TTC3: variants seen among roughly 807,000 people sequenced by gnomAD.
The protein encoded by TTC3 is tetratricopeptide repeat domain 3.
In TTC3, 180 loss-of-function variants were observed where a neutral mutation model predicts 249.6. That is an observed-to-expected ratio of 0.72 (90% CI 0.64 to 0.82). The LOEUF (loss-of-function observed/expected upper bound fraction) is 0.82. Ranked by LOEUF, TTC3 falls within the 40% of genes least tolerant of loss-of-function variation. The probability of loss-of-function intolerance (pLI) is 0.00; values close to 1 mark genes in which losing one functional copy is unlikely to be tolerated. For missense variants in TTC3, 2,061 were observed against 2,398.4 expected (o/e 0.86, Z 2.94); for synonymous variants, 717 against 805.0 (o/e 0.89, Z 1.85).
At chr21:37,096,058 T>A (rs904593569) in intron 9 of TTC3, among the ~76,000 whole-genome samples, 5 of 152,240 alleles carry the variant, frequency 3.3e-5, no homozygotes, top group Admixed American at 1.3e-4. Flanking sequence ...GGGAATCCGG[T>A]TAGTGTACCA....
intron 10 of TTC3, chr21:37,098,209 G>A: frequency 3.3e-6 from 1 of 307,052 alleles, no homozygotes; most frequent in Non-Finnish European, 6.0e-6. Context: ...TGTGCTGTTT[G>A]AAGGTGAATT....
chr21:37,136,985 A>T (rs2078002961), intron 18 of TTC3, among the ~76,000 whole-genome samples: 1 of 152,232 alleles, frequency 6.6e-6, no homozygotes, highest in African/African-American at 2.4e-5. Context: ...AAATGGAACA[A>T]CAAAGCATGA....
chr21:37,122,031 T>C lies in TTC3; in HGVS notation c.1063+52T>C, dbSNP rs531322103. 8 of 1,514,948 alleles carry C rather than the reference T, an allele frequency of 5.3e-6. No individual in the cohort carries two copies. The East Asian group carries it at 1.2e-4, about 22-fold the overall frequency. 93.8% of individuals were successfully genotyped at this position (1,514,948 alleles called of 1,614,324 possible). On this transcript the variant is annotated intron_variant, in intron 12 of 45. Transcript: ENST00000355666. ...ACAGTCTTAATTCCCTTTCAAACTT[T>C]GGAGGGTGGGTTTCTTGGATTAACA...
exon 13 of TTC3, chr21:37,123,028 G>A (rs769842729): frequency 1.2e-5 from 19 of 1,613,972 alleles, no homozygotes; most frequent in Admixed American, 6.7e-5. Context: ...TATGAAAACA[G>A]GTAAGTTAAT....
chr21:37,199,118 C>A (rs2085239468), intron 44 of TTC3, among the ~76,000 whole-genome samples: 1 of 152,174 alleles, frequency 6.6e-6, no homozygotes, highest in Non-Finnish European at 1.5e-5. Flanking sequence ...TCCTCCTGGG[C>A]CGAGTCATGC....
At chr21:37,153,582 A>G (rs562749286) in intron 27 of TTC3, among the ~76,000 whole-genome samples, 1 of 152,304 alleles carries the variant, frequency 6.6e-6, no homozygotes, top group Admixed American at 6.5e-5. Flanking sequence ...ACACACACGC[A>G]CACCACAATT....
intron 32 of TTC3, among the ~76,000 whole-genome samples, chr21:37,165,263 T>G (rs886796647): frequency 6.6e-6 from 1 of 152,212 alleles, no homozygotes; most frequent in Non-Finnish European, 1.5e-5. Flanking sequence ...GAATAAATTA[T>G]GTAATTACAT....
exon 24 of TTC3, chr21:37,150,146 C>T: frequency 1.9e-6 from 3 of 1,612,796 alleles, no homozygotes; most frequent in African/African-American, 1.3e-5. Flanking sequence ...TCATCTTCAG[C>T]AGTGGTGGTG....
In TTC3 at chr21:37,172,783, A is replaced by G. The variant is rs1210775853; in HGVS notation, c.4617+39A>G. ...AAACCTGTCTTTAATTGCATGTAGC[A>G]TAGTTAGGAGAATGTGAGTGTAGCT... On this transcript the variant is annotated intron_variant, in intron 35 of 45. Transcript: ENST00000355666. 3.7e-6 allele frequency: 6 copies of G among 1,608,402 alleles called. No individual in the cohort carries two copies. The East Asian group carries it at 6.7e-5, about 18-fold the overall frequency.
chr21:37,197,351 G>A (rs1209678488), intron 42 of TTC3, among the ~76,000 whole-genome samples: 2 of 151,060 alleles, frequency 1.3e-5, no homozygotes, highest in African/African-American at 4.9e-5. Flanking sequence ...TCGCGCCACT[G>A]CCCTCCAGCC....
chr21:37,127,306 A>G (rs1489747340), intron 15 of TTC3, among the ~76,000 whole-genome samples: 2 of 152,172 alleles, frequency 1.3e-5, no homozygotes, highest in Non-Finnish European at 2.9e-5. Context: ...TATCCAGACC[A>G]TAACAGTGCT....
At chr21:37,130,102 C>T (rs1482474911) in intron 16 of TTC3, among the ~76,000 whole-genome samples, 1 of 152,122 alleles carries the variant, frequency 6.6e-6, no homozygotes. Context: ...TCAATTTCTT[C>T]TCCATTTCTT....
intron 1 of TTC3, chr21:37,083,819 G>A (rs1298215945): frequency 6.6e-6 from 1 of 152,236 alleles, no homozygotes; most frequent in East Asian, 1.9e-4. Flanking sequence ...ATACAACCCC[G>A]CCTGGAAGGA....
intron 14 of TTC3, 62 bp downstream of exon 14, chr21:37,124,804 A>G: frequency 1.9e-6 from 3 of 1,578,770 alleles, no homozygotes; most frequent in Admixed American, 3.7e-5. Context: ...TTTTACAGTA[A>G]TATTTTGGTG....
intron 1 of TTC3, among the ~76,000 whole-genome samples, chr21:37,079,491 T>A (rs2071322768): frequency 6.7e-6 from 1 of 150,106 alleles, no homozygotes; most frequent in Non-Finnish European, 1.5e-5. Context: ...TTTAGAAATT[T>A]GTCCTTTCAT....
rs569986723 is a variant in TTC3 at position 37,111,999 on chromosome 21, A to G, written c.900+3553A>G. Among the ~76,000 whole-genome samples, 1,512 of 152,072 alleles carry G rather than the reference A, an allele frequency of 9.9e-3. 15 individuals carry two copies. Among genetic ancestry groups the G allele is most frequent in the East Asian group, 0.03 (154 of 5,180 alleles). ...GAAATAAAGATGTTCTTTGAAACCA[A>G]CGAGAACAAAGACACAACATACCAG... On this transcript the variant is annotated intron_variant, in intron 11 of 45. Transcript: ENST00000355666.
chr21:37,098,637 A>G (rs1422705338), intron 10 of TTC3: 1 of 152,140 alleles, frequency 6.6e-6, no homozygotes, highest in Non-Finnish European at 1.5e-5. Flanking sequence ...TATTTTATTC[A>G]CGAAGTGTTT....
At chr21:37,108,358 G>A (rs773735832) in intron 10 of TTC3, 34 bp from the exon 11 acceptor site, 47 of 1,584,518 alleles carry the variant, frequency 3.0e-5, no homozygotes, top group Non-Finnish European at 4.0e-5. Flanking sequence ...CTATAAAAGA[G>A]TGAAAATTTT....
chr21:37,187,273 A>C, intron 38 of TTC3, 128 bp downstream of exon 38: 1 of 657,054 alleles, frequency 1.5e-6, no homozygotes, highest in South Asian at 2.1e-5. Context: ...GTAACCCATA[A>C]TATATCCTCC....
Sources: allele counts gnomAD v4.1 joint callset (sites outside exome capture counted in the v4.1 genomes callset), GRCh38; gene constraint gnomAD v4.1.1; transcripts MANE v1.5; gene names NCBI Gene and HGNC (gene_info 2026-07-23, HGNC 2026-07-21).